Variants in SYNJ2 observed in about 807,000 individuals in gnomAD.
SYNJ2 encodes the protein synaptojanin 2, also known as polyphosphatidylinositol phosphatase SYNJ2.
SYNJ2 carries 116 observed loss-of-function variants against 141.3 expected under a neutral mutation model. That is an observed-to-expected ratio of 0.82 (90% CI 0.71 to 0.96). The LOEUF (loss-of-function observed/expected upper bound fraction) is 0.96. SYNJ2 is among the 40% of genes least tolerant of loss of function. The pLI, the probability that SYNJ2 is intolerant of heterozygous loss-of-function variation, is 0.00. For missense variants in SYNJ2, 1,873 were observed against 1,934.8 expected, an observed-to-expected ratio of 0.97 and a Z score of 0.60; for synonymous variants, 745 against 777.7, an observed-to-expected ratio of 0.96 and a Z score of 0.70.
At chr6:158,049,913 T>C (rs970252063) in intron 5 of SYNJ2, among the ~76,000 whole-genome samples, 36 of 150,930 alleles carry the variant, frequency 2.4e-4, no homozygotes, top group South Asian at 8.4e-4. Flanking sequence ...GGTATGCATG[T>C]GGCTCTGCAG....
intron 1 of SYNJ2, among the ~76,000 whole-genome samples, chr6:157,993,982 T>C (rs1443275170): frequency 6.6e-6 from 1 of 151,356 alleles, no homozygotes; most frequent in Admixed American, 6.6e-5. Context: ...CCCTGGCTAA[T>C]TTTTTGTATT....
chr6:158,054,195 A>T (rs1319600773), intron 5 of SYNJ2, among the ~76,000 whole-genome samples: 2 of 148,878 alleles, frequency 1.3e-5, no homozygotes, highest in Non-Finnish European at 3.0e-5. Flanking sequence ...CCATCCATCC[A>T]CTCAGCTATT....
Position 158,083,507 on chromosome 6 carries a change from C to G in SYNJ2, c.2944C>G (p.Arg982Gly), listed in dbSNP as rs151009377. The change falls in exon 21 of 27, where the codon CGA (arginine) becomes GGA (glycine). Residue 982 changes from arginine (R) to glycine (G), a missense_variant. Coordinates refer to ENST00000355585, the MANE Select transcript of SYNJ2 (RefSeq NM_003898.4). Reference protein sequence around the residue: ...KGLREEIIRKRDSMAPVSPTA... With the variant: ...KGLREEIIRKGDSMAPVSPTA... ...TTTGCGAGAGGAGATCATTCGGAAACGAGACAGCATGGCCCCCGTGTCTCC... is the reference window on the plus strand; with the variant it reads ...TTTGCGAGAGGAGATCATTCGGAAAGGAGACAGCATGGCCCCCGTGTCTCC... 6.2e-7 allele frequency: 1 copy of G among 1,614,154 alleles called. No homozygotes were observed. Among genetic ancestry groups the G allele is most frequent in the Non-Finnish European group, 8.5e-7 (1 of 1,180,036 alleles).
In SYNJ2 at chr6:158,084,542, C is replaced by T. The variant is rs1306658068; in HGVS notation, c.3208+368C>T. Among the ~76,000 whole-genome samples, 1 of 152,150 alleles carries T rather than the reference C, an allele frequency of 6.6e-6. No individual in the cohort carries two copies. Among genetic ancestry groups the T allele is most frequent in the Non-Finnish European group, 1.5e-5 (1 of 68,034 alleles). On this transcript the variant is annotated intron_variant, in intron 22 of 26. Coordinates refer to ENST00000355585, the MANE Select transcript of SYNJ2 (RefSeq NM_003898.4). The surrounding 1 kb of genome is among the most constrained non-coding windows in gnomAD (Gnocchi z 5.0). ...TGATTCAGCCAGGCGCAGTGGCTCA[C>T]ACCTGTAATCCCAGCACTTTGGGAG...
At chr6:158,024,635 G>C (rs1027731890) in intron 2 of SYNJ2, among the ~76,000 whole-genome samples, 1 of 152,186 alleles carries the variant, frequency 6.6e-6, no homozygotes, top group African/African-American at 2.4e-5. Context: ...TCACTGGAAC[G>C]ATAAACCAGA....
intron 1 of SYNJ2, among the ~76,000 whole-genome samples, chr6:158,010,617 A>G (rs150499110): frequency 1.8e-3 from 271 of 152,324 alleles, no homozygotes; most frequent in African/African-American, 6.4e-3. Flanking sequence ...TGTCCTCCAA[A>G]AGGATATGTT....
chr6:157,993,874 C>T (rs924320229), intron 1 of SYNJ2, among the ~76,000 whole-genome samples: 1 of 122,222 alleles, frequency 8.2e-6, no homozygotes, highest in Non-Finnish European at 1.6e-5. Context: ...GAGGGCAGTG[C>T]AGCTACCTCG....
chr6:158,020,172 TTGTGTGACCCCCACC>T (rs1298093287), intron 2 of SYNJ2, among the ~76,000 whole-genome samples: 67 of 150,522 alleles, frequency 4.5e-4, no homozygotes, highest in Admixed American at 4.4e-3. Flanking sequence ...ATGACTCCAA[TTGTGTGACCCCCACC>T]TGTGTGACTC....
chr6:157,999,803 C>A (rs770426833), intron 1 of SYNJ2, among the ~76,000 whole-genome samples: 2 of 152,168 alleles, frequency 1.3e-5, no homozygotes, highest in Non-Finnish European at 2.9e-5. Flanking sequence ...CAGGCTTCCC[C>A]AAGGAGGGGC....
chr6:158,028,606 C>G, intron 2 of SYNJ2, 150 bp from the exon 3 acceptor site: 1 of 1,019,952 alleles, frequency 9.8e-7, no homozygotes. Context: ...GTTCTTGAGC[C>G]ATTGAGTTGG....
At position 158,028,978 on chromosome 6, in the gene SYNJ2, C is replaced by T. The variant is rs1483505641; in HGVS notation, c.437C>T (p.Thr146Met). The change falls in exon 3 of 27, where the codon ACG (threonine) becomes ATG (methionine). Residue 146 changes from threonine (T) to methionine (M), a missense_variant. Coordinates refer to ENST00000355585, the MANE Select transcript of SYNJ2 (RefSeq NM_003898.4). Reference sequence around the variant, plus strand: ...TCTCGCTTTGACCTGACTGTCCGCACGCAGAAGCAGGGGGATGACAGCTCT... The same window carrying T: ...TCTCGCTTTGACCTGACTGTCCGCATGCAGAAGCAGGGGGATGACAGCTCT... ...DGSRFDLTVR[T>M]QKQGDDSSEW... 9.3e-6 allele frequency: 15 copies of T among 1,613,396 alleles called. No homozygotes were observed. The highest frequency in any genetic ancestry group is 5.5e-5 in the South Asian group (5 of 91,054).
At chr6:158,059,501 G>C in intron 7 of SYNJ2, 148 bp downstream of exon 7, 1 of 1,448,262 alleles carries the variant, frequency 6.9e-7, no homozygotes, top group Middle Eastern at 2.5e-4. Context: ...TCCGACCAGT[G>C]AACACGGCAG....
At chr6:158,083,732 A>G in intron 21 of SYNJ2, 135 bp downstream of exon 21, 1 of 1,205,370 alleles carries the variant, frequency 8.3e-7, no homozygotes, top group Non-Finnish European at 1.2e-6. Flanking sequence ...GTCCCATGTG[A>G]TGAGCATGTT....
chr6:158,017,675 A>C, intron 2 of SYNJ2: 1 of 482,782 alleles, frequency 2.1e-6, no homozygotes, highest in Non-Finnish European at 4.3e-6. Flanking sequence ...TCAGCCTCCC[A>C]AAGTGCTGGG....
chr6:158,080,691 C>A (rs1459389653), intron 18 of SYNJ2, among the ~76,000 whole-genome samples: 2 of 152,054 alleles, frequency 1.3e-5, no homozygotes, highest in East Asian at 3.9e-4. Context: ...AAGCTTGCAC[C>A]CCTGGCAGAG....
Position 158,098,728 on chromosome 6 carries a change from A to G in SYNJ2, c.*2364A>G, listed in dbSNP as rs1040488471. The G allele has an allele frequency of 2.6e-5, 4 of 152,126 alleles. No homozygotes were observed. Among genetic ancestry groups the G allele is most frequent in the Non-Finnish European group, 4.4e-5 (3 of 68,020 alleles). 9.4% of individuals were successfully genotyped at this position (152,126 alleles called of 1,614,324 possible). A position where few individuals can be genotyped will look rare whatever the true frequency, so the allele number is the denominator to read the frequency against. ...TTGATGCTACCATCCAGGGCTTCTTATTGTGACCTTGTAGCCTATTTTGTT... is the reference window on the plus strand; with the variant it reads ...TTGATGCTACCATCCAGGGCTTCTTGTTGTGACCTTGTAGCCTATTTTGTT... On this transcript the variant is annotated 3_prime_UTR_variant, in exon 27 of 27. Transcript: ENST00000355585.
Position 158,063,909 on chromosome 6 carries a change from C to A in SYNJ2, c.1209+37C>A. 3.1e-6 allele frequency: 5 copies of A among 1,608,734 alleles called. No individual in the cohort carries two copies. The South Asian group carries it at 5.5e-5, about 18-fold the overall frequency. ...CCACAGCCTTTTCGGCCATCTGTGC[C>A]AGGTCCTGTGACTTCAGCTGGACAG... On this transcript the variant is annotated intron_variant, in intron 9 of 26. Transcript: ENST00000355585.
At chr6:158,014,192 CAT>C (rs1489221836) in intron 1 of SYNJ2, among the ~76,000 whole-genome samples, 1 of 152,178 alleles carries the variant, frequency 6.6e-6, no homozygotes, top group African/African-American at 2.4e-5. Context: ...TGTAGGCTAA[CAT>C]GTGTTCTGGA....
chr6:158,086,041 G>A (rs970527209), intron 22 of SYNJ2, among the ~76,000 whole-genome samples: 3 of 152,192 alleles, frequency 2.0e-5, no homozygotes, highest in African/African-American at 4.8e-5. Context: ...CGGGACACGT[G>A]GGTGGCTTTG....
Sources: allele counts gnomAD v4.1 joint callset (sites outside exome capture counted in the v4.1 genomes callset), GRCh38; gene constraint gnomAD v4.1.1; non-coding constraint Gnocchi (gnomAD v3.1); transcripts MANE v1.5; gene names NCBI Gene and HGNC (gene_info 2026-07-23, HGNC 2026-07-21).